The following PHACTR1 variants were observed in gnomAD, a reference collection of about 807,000 sequenced individuals.
The protein encoded by PHACTR1 is phosphatase and actin regulator 1, also known as RPEL repeat containing 1.
Under a neutral mutation model 69.2 loss-of-function variants are expected in PHACTR1, and 16 were observed. The ratio of observed to expected loss-of-function variants is 0.23; its 90% CI spans 0.16 to 0.35. The LOEUF (loss-of-function observed/expected upper bound fraction) is 0.35, where lower values mean the gene tolerates loss of function less well. Among genes scored for constraint, PHACTR1 ranks in the 10% least tolerant of loss-of-function variants. PHACTR1 has a pLI of 1.00. For synonymous variants in PHACTR1, 312 were observed against 284.5 expected (o/e 1.10, Z -0.97); for missense variants, 510 against 734.7 (o/e 0.69, Z 3.54).
intron 4 of PHACTR1, among the ~76,000 whole-genome samples, chr6:12,797,800 T>C (rs1049338300): frequency 6.6e-6 from 1 of 152,148 alleles, no homozygotes; most frequent in African/African-American, 2.4e-5. Context: ...TCCCTCTACA[T>C]AGAACACTTC....
At chr6:12,818,118 C>T (rs927330088) in intron 4 of PHACTR1, among the ~76,000 whole-genome samples, 7 of 152,168 alleles carry the variant, frequency 4.6e-5, no homozygotes, top group South Asian at 2.1e-4. Flanking sequence ...CCACCATCCC[C>T]GGCCTTAAAT....
intron 4 of PHACTR1, among the ~76,000 whole-genome samples, chr6:12,881,865 G>A (rs967841782): frequency 5.9e-5 from 9 of 152,204 alleles, no homozygotes; most frequent in Non-Finnish European, 1.2e-4. Context: ...AAAAGGTCAG[G>A]ATCCAACCCC....
In PHACTR1 at chr6:13,286,164, C is replaced by A; in HGVS notation, c.1669C>A (p.Leu557Ile). The change falls in exon 14 of 15, where the codon CTC (leucine) becomes ATC (isoleucine). Residue 557 changes from leucine (L) to isoleucine (I), a missense_variant. Physicochemically the swap from Leu to Ile is conservative, Grantham distance 5. Coordinates refer to ENST00000332995, the MANE Select transcript of PHACTR1 (RefSeq NM_030948.6). Reference sequence around the variant, plus strand: ...ATTCCAGGCTGCCATCCGAAAGGAGCTCAATGAATTCAAAAGCACTGAGAT... The same window carrying A: ...ATTCCAGGCTGCCATCCGAAAGGAGATCAATGAATTCAAAAGCACTGAGAT... ...AADKAAIRKE[L>I]NEFKSTEMEV... The A allele has an allele frequency of 6.2e-7, 1 of 1,607,482 alleles. No individual in the cohort carries two copies. The highest frequency in any genetic ancestry group is 8.5e-7 in the Non-Finnish European group (1 of 1,177,210).
At chr6:12,810,320 T>C (rs996144551) in intron 4 of PHACTR1, among the ~76,000 whole-genome samples, 30 of 151,092 alleles carry the variant, frequency 2.0e-4, no homozygotes, top group African/African-American at 6.9e-4. Flanking sequence ...GGTTGGTTGG[T>C]TTGTTGTTTG....
chr6:12,793,812 A>G (rs559831642), intron 4 of PHACTR1, among the ~76,000 whole-genome samples: 11 of 152,320 alleles, frequency 7.2e-5, no homozygotes, highest in East Asian at 1.9e-4. Context: ...CAGATTTCCA[A>G]TGTAATCAAT....
intron 5 of PHACTR1, among the ~76,000 whole-genome samples, chr6:13,084,498 A>T (rs1420498851): frequency 5.3e-5 from 8 of 152,016 alleles, no homozygotes; most frequent in Non-Finnish European, 1.2e-4. Flanking sequence ...CGTTGTACAC[A>T]TGTACCCTAA....
chr6:12,757,914 C>T (rs994954383), intron 4 of PHACTR1, among the ~76,000 whole-genome samples: 8 of 152,064 alleles, frequency 5.3e-5, no homozygotes, highest in Non-Finnish European at 1.2e-4. Context: ...GAGTTCGAGA[C>T]GAGCCTGGCC....
chr6:13,253,134 C>T, intron 10 of PHACTR1: 1 of 401,856 alleles, frequency 2.5e-6, no homozygotes, highest in Non-Finnish European at 5.2e-6. Context: ...TATCCTCAGC[C>T]CTCTCCTTGG....
chr6:13,090,258 G>A (rs1471414003), intron 5 of PHACTR1, among the ~76,000 whole-genome samples: 1 of 149,556 alleles, frequency 6.7e-6, no homozygotes, highest in Non-Finnish European at 1.5e-5. Flanking sequence ...GTTTCACCAT[G>A]TTGTCTCGAA....
chr6:12,908,460 A>G (rs545469839), intron 4 of PHACTR1, among the ~76,000 whole-genome samples: 4 of 152,274 alleles, frequency 2.6e-5, no homozygotes, highest in Non-Finnish European at 5.9e-5. Flanking sequence ...AAGCCAGTGC[A>G]TACGTGGAAA....
chr6:13,274,998 T>A (rs1351630915), intron 11 of PHACTR1: 1 of 152,246 alleles, frequency 6.6e-6, no homozygotes, highest in Non-Finnish European at 1.5e-5. Flanking sequence ...AATATTTTTT[T>A]AAATTTAATC....
At chr6:13,173,196 A>C (rs1055581471) in intron 6 of PHACTR1, among the ~76,000 whole-genome samples, 1 of 152,230 alleles carries the variant, frequency 6.6e-6, no homozygotes, top group African/African-American at 2.4e-5. Flanking sequence ...TGGTTGGTAC[A>C]AATGTAATTG....
In PHACTR1 at chr6:13,240,432, G is replaced by T. The variant is rs570582571; in HGVS notation, c.1391+10239G>T. On this transcript the variant is annotated intron_variant, in intron 10 of 14. Coordinates refer to ENST00000332995, the MANE Select transcript of PHACTR1 (RefSeq NM_030948.6). The stretch of plus-strand genomic sequence containing the variant: ...TATTCGTTGTGGGTTTTTTTTTGTT[G>T]TTGTTTTTTTGTTTTGTTTTGTTTT... Among the ~76,000 whole-genome samples, 943 of 151,134 alleles carry T rather than the reference G, an allele frequency of 6.2e-3. 13 individuals carry two copies. The highest frequency in any genetic ancestry group is 0.022 in the African/African-American group (902 of 40,742).
chr6:12,905,204 G>GA (rs1204264653), intron 4 of PHACTR1, among the ~76,000 whole-genome samples: 1 of 152,158 alleles, frequency 6.6e-6, no homozygotes. Context: ...ACCCAGGGTG[G>GA]AAAAGCATGG....
intron 6 of PHACTR1, among the ~76,000 whole-genome samples, chr6:13,180,263 G>A (rs1167530475): frequency 6.6e-6 from 1 of 152,136 alleles, no homozygotes; most frequent in African/African-American, 2.4e-5. Context: ...CTTTTTCAAA[G>A]GAAATGTGTA....
intron 4 of PHACTR1, among the ~76,000 whole-genome samples, chr6:12,922,473 C>T (rs921381706): frequency 2.1e-5 from 3 of 141,710 alleles, no homozygotes; most frequent in South Asian, 4.3e-4. Context: ...CCATCAGCAT[C>T]CATAAAGGAA....
intron 3 of PHACTR1, among the ~76,000 whole-genome samples, chr6:12,742,123 T>G (rs977598798): frequency 6.6e-6 from 1 of 152,220 alleles, no homozygotes; most frequent in Admixed American, 6.5e-5. Flanking sequence ...AAAGCAAGTT[T>G]GTTAAGAAAG....
chr6:13,283,185 G>T lies in PHACTR1; in HGVS notation c.1510-237G>T. The T allele has an allele frequency of 2.5e-6, 1 of 406,998 alleles. No individual in the cohort carries two copies. The allele number at this position is 406,998 out of a possible 1,614,324, so 25.2% of individuals were successfully genotyped here. ...AAAAAAAAAAGAGCTTGGCCTAGAG[G>T]GTATGTAAGGGATAACAAAGCTCTC... On this transcript the variant is annotated intron_variant, in intron 12 of 14. Coordinates refer to ENST00000332995, the MANE Select transcript of PHACTR1 (RefSeq NM_030948.6). The surrounding 1 kb of genome is among the most constrained non-coding windows in gnomAD (Gnocchi z 4.7).
At chr6:12,905,478 C>T (rs1290572401) in intron 4 of PHACTR1, among the ~76,000 whole-genome samples, 1 of 152,198 alleles carries the variant, frequency 6.6e-6, no homozygotes, top group Admixed American at 6.5e-5. Flanking sequence ...ATGCTAGGAA[C>T]TGTGCTATTC....
Sources: allele counts gnomAD v4.1 joint callset (sites outside exome capture counted in the v4.1 genomes callset), GRCh38; gene constraint gnomAD v4.1.1; non-coding constraint Gnocchi (gnomAD v3.1); transcripts MANE v1.5; gene names NCBI Gene and HGNC (gene_info 2026-07-23, HGNC 2026-07-21).